Variants in MPPED1 observed in about 807,000 individuals in gnomAD.
The protein encoded by MPPED1 is metallophosphoesterase domain containing 1.
MPPED1 carries 16 observed loss-of-function variants against 36.2 expected under a neutral mutation model. The observed-to-expected ratio is 0.44, with a 90% CI of 0.30 to 0.67. The LOEUF (loss-of-function observed/expected upper bound fraction) is 0.67. Ranked by LOEUF, MPPED1 falls within the 30% of genes least tolerant of loss-of-function variation. The probability of loss-of-function intolerance (pLI) is 0.10; values close to 1 mark genes in which losing one functional copy is unlikely to be tolerated. For synonymous variants in MPPED1, 199 were observed against 191.3 expected, an observed-to-expected ratio of 1.04 and a Z score of -0.33; for missense variants, 307 against 453.4, an observed-to-expected ratio of 0.68 and a Z score of 2.93.
intron 2 of MPPED1, among the ~76,000 whole-genome samples, chr22:43,426,467 G>A (rs578232321): frequency 6.6e-5 from 10 of 152,254 alleles, no homozygotes; most frequent in African/African-American, 2.2e-4. Context: ...TGAGTCTGGT[G>A]CCCCAAAAAG....
intron 4 of MPPED1, among the ~76,000 whole-genome samples, chr22:43,489,813 C>G (rs1294604363): frequency 6.6e-6 from 1 of 152,182 alleles, no homozygotes; most frequent in Non-Finnish European, 1.5e-5. Flanking sequence ...GCCGCTGCAC[C>G]CGGCCCCTGT....
At chr22:43,426,167 T>C (rs1347680777) in intron 2 of MPPED1, among the ~76,000 whole-genome samples, 1 of 152,156 alleles carries the variant, frequency 6.6e-6, no homozygotes, top group African/African-American at 2.4e-5. Context: ...ATGCCAGAGC[T>C]GGAGTTGAAC....
At chr22:43,475,909 A>C (rs904339141) in intron 4 of MPPED1, among the ~76,000 whole-genome samples, 1 of 123,612 alleles carries the variant, frequency 8.1e-6, no homozygotes, top group African/African-American at 3.1e-5. Context: ...GCTGATGGTG[A>C]TGATGGTGAA....
intron 2 of MPPED1, among the ~76,000 whole-genome samples, 170 bp downstream of exon 2, chr22:43,425,379 G>A (rs1382073657): frequency 3.9e-5 from 6 of 152,244 alleles, no homozygotes; most frequent in Admixed American, 1.3e-4. Flanking sequence ...GGGAGGGACC[G>A]GCAAGAAGTT....
chr22:43,452,561 G>A (rs1007999193), intron 3 of MPPED1, among the ~76,000 whole-genome samples: 1 of 152,162 alleles, frequency 6.6e-6, no homozygotes, highest in African/African-American at 2.4e-5. Context: ...GGGGGAAGAT[G>A]ATTTCATTTT....
chr22:43,420,925 A>G (rs1929250511), intron 1 of MPPED1, among the ~76,000 whole-genome samples: 1 of 152,172 alleles, frequency 6.6e-6, no homozygotes, highest in African/African-American at 2.4e-5. Flanking sequence ...GGCCTTGGCT[A>G]ATGGTTGTTG....
chr22:43,437,798 C>G (rs1214715249), intron 3 of MPPED1, among the ~76,000 whole-genome samples: 2 of 152,140 alleles, frequency 1.3e-5, no homozygotes, highest in Non-Finnish European at 2.9e-5. Flanking sequence ...ATGATTGCCC[C>G]CATGAACTGG....
chr22:43,499,611 GTGATGGTGGTGGTGA>G lies in MPPED1; in HGVS notation c.748+1271_748+1285del, dbSNP rs768984449. Among the ~76,000 whole-genome samples the G allele has an allele frequency of 5.1e-3, 444 of 87,590 alleles. 15 individuals are homozygous for G. The highest frequency in any genetic ancestry group is 0.013 in the African/African-American group (243 of 18,672). 57.5% of individuals were successfully genotyped at this position (87,590 alleles called of 152,430 possible). ...GGTGGTAGTGGAGGTGGTGGTGGTGGTGATGGTGGTGGTGATGATGGTGGAGGTGGTGGTGGTGGT... is the reference window on the plus strand; with the variant it reads ...GGTGGTAGTGGAGGTGGTGGTGGTGGTGATGGTGGAGGTGGTGGTGGTGGT... On this transcript the variant is annotated intron_variant, in intron 5 of 6. Coordinates refer to ENST00000443721, the MANE Select transcript of MPPED1 (RefSeq NM_001044370.2).
chr22:43,454,223 G>A (rs1320783470), intron 3 of MPPED1, among the ~76,000 whole-genome samples: 2 of 152,102 alleles, frequency 1.3e-5, no homozygotes, highest in African/African-American at 4.8e-5. Context: ...TGGCCAGGCT[G>A]GTCTCGAACT....
At chr22:43,428,671 A>T (rs1269279921) in intron 2 of MPPED1, among the ~76,000 whole-genome samples, 2 of 152,104 alleles carry the variant, frequency 1.3e-5, no homozygotes, top group African/African-American at 4.8e-5. Flanking sequence ...CAGTCCAAAC[A>T]TGGCCTCTGG....
chr22:43,475,592 GTGATGGTGGTGA>G (rs1312541645), intron 4 of MPPED1, among the ~76,000 whole-genome samples: 8 of 132,732 alleles, frequency 6.0e-5, no homozygotes, highest in African/African-American at 2.3e-4. Context: ...GGTGGTGGTG[GTGATGGTGGTGA>G]TGATGGTGGT....
intron 4 of MPPED1, among the ~76,000 whole-genome samples, chr22:43,475,813 GTGA>G (rs1443884632): frequency 2.1e-5 from 3 of 141,058 alleles, no homozygotes; most frequent in Non-Finnish European, 3.1e-5. Context: ...TGGTGGTGGT[GTGA>G]TGATGATATT....
At chr22:43,467,943 G>A (rs1004365894) in intron 3 of MPPED1, among the ~76,000 whole-genome samples, 4 of 152,158 alleles carry the variant, frequency 2.6e-5, no homozygotes, top group African/African-American at 9.7e-5. Flanking sequence ...AAGTGTTAGC[G>A]ATAAAGAATT....
intron 1 of MPPED1, among the ~76,000 whole-genome samples, chr22:43,422,794 A>G (rs1601945689): frequency 6.6e-6 from 1 of 152,142 alleles, no homozygotes. Flanking sequence ...ATTCCTGCTT[A>G]CTTCTTCATT....
chr22:43,483,497 C>T (rs1272483065), intron 4 of MPPED1, among the ~76,000 whole-genome samples: 6 of 152,294 alleles, frequency 3.9e-5, no homozygotes, highest in Admixed American at 3.9e-4. Flanking sequence ...GCATGCCACG[C>T]CCTCGGTGCC....
intron 4 of MPPED1, among the ~76,000 whole-genome samples, chr22:43,475,639 C>T (rs368827935): frequency 5.9e-5 from 5 of 84,416 alleles, no homozygotes; most frequent in South Asian, 3.9e-4. Flanking sequence ...TGGTGATGAT[C>T]GTCATGATGA....
At chr22:43,436,331 C>T (rs1601957297) in intron 3 of MPPED1, among the ~76,000 whole-genome samples, 2 of 152,192 alleles carry the variant, frequency 1.3e-5, no homozygotes, top group Non-Finnish European at 2.9e-5. Context: ...CGGTCCCTTC[C>T]GCCTCCCCAG....
chr22:43,443,171 G>A (rs1277814531), intron 3 of MPPED1, among the ~76,000 whole-genome samples: 2 of 152,230 alleles, frequency 1.3e-5, no homozygotes, highest in Non-Finnish European at 2.9e-5. Context: ...CCCCCTGGGA[G>A]GGTCATGCAC....
intron 1 of MPPED1, among the ~76,000 whole-genome samples, chr22:43,414,464 T>A (rs1429677776): frequency 6.6e-6 from 1 of 152,172 alleles, no homozygotes; most frequent in Non-Finnish European, 1.5e-5. Context: ...CAAAGTGCAA[T>A]CATCTTTTAG....
Sources: allele counts gnomAD v4.1 joint callset (sites outside exome capture counted in the v4.1 genomes callset), GRCh38; gene constraint gnomAD v4.1.1; transcripts MANE v1.5; gene names NCBI Gene and HGNC (gene_info 2026-07-23, HGNC 2026-07-21).